Variants in PTPRN2 observed in about 807,000 individuals in gnomAD.
The protein encoded by PTPRN2 is protein tyrosine phosphatase receptor type N2.
PTPRN2 carries 74 observed loss-of-function variants against 118.8 expected under a neutral mutation model. The ratio of observed to expected loss-of-function variants is 0.62; its 90% CI spans 0.52 to 0.76. The LOEUF is 0.76. PTPRN2 is among the 30% of genes least tolerant of loss of function. PTPRN2 has a pLI of 0.00. For synonymous variants in PTPRN2, 641 were observed against 608.0 expected, an observed-to-expected ratio of 1.05 and a Z score of -0.80; for missense variants, 1,481 against 1,394.4, an observed-to-expected ratio of 1.06 and a Z score of -0.99.
At chr7:157,754,969 C>T (rs1319362970) in intron 12 of PTPRN2, among the ~76,000 whole-genome samples, 1 of 152,174 alleles carries the variant, frequency 6.6e-6, no homozygotes, top group Non-Finnish European at 1.5e-5. Context: ...ACTGAAGCCT[C>T]ACCTTCCCTG....
chr7:158,497,901 C>T (rs536478585), intron 1 of PTPRN2, among the ~76,000 whole-genome samples: 24 of 152,330 alleles, frequency 1.6e-4, no homozygotes, highest in African/African-American at 3.6e-4. Flanking sequence ...CCTGTTCTGC[C>T]GGGCACAGAT....
Position 158,255,173 on chromosome 7 carries a change from A to G in PTPRN2, c.278-49900T>C, listed in dbSNP as rs570891990. On this transcript the variant is annotated intron_variant, in intron 3 of 22. Coordinates refer to ENST00000389418, the MANE Select transcript of PTPRN2 (RefSeq NM_002847.5). ...TGTGAGCAAGGGAGGTTCTTTGGCT[A>G]AAGACCCAGACAAGGCAATGATCTA... 2.6e-5 allele frequency among the ~76,000 whole-genome samples: 4 copies of G among 152,338 alleles called. 1 individual carries two copies. Among genetic ancestry groups the G allele is most frequent in the African/African-American group, 7.2e-5 (3 of 41,572 alleles).
At chr7:157,742,875 G>A (rs978296398) in intron 12 of PTPRN2, among the ~76,000 whole-genome samples, 30 of 152,288 alleles carry the variant, frequency 2.0e-4, no homozygotes, top group African/African-American at 7.0e-4. Flanking sequence ...CCAAAGTATT[G>A]ATATTAAATA....
rs1811568344 is a variant in PTPRN2, at chr7:158,071,401, TG to T, written c.1723+9896del. On this transcript the variant is annotated intron_variant, in intron 11 of 22. Coordinates refer to ENST00000389418, the MANE Select transcript of PTPRN2 (RefSeq NM_002847.5). ...GAGGTGCTCGTGGTGGAGGTGCTCG[TG>T]GTGGAGTTGCTCCTGGTGGTGGAGG... is the stretch of plus-strand genomic sequence containing the variant. 1.9e-5 allele frequency among the ~76,000 whole-genome samples: 2 copies of T among 105,940 alleles called. 1 individual carries two copies. The highest frequency in any genetic ancestry group is 4.0e-5 in the Non-Finnish European group (2 of 49,966). 69.5% of individuals were successfully genotyped at this position (105,940 alleles called of 152,430 possible). A position where few individuals can be genotyped will look rare whatever the true frequency, so the allele number is the denominator to read the frequency against.
intron 2 of PTPRN2, among the ~76,000 whole-genome samples, chr7:158,473,016 C>A (rs1257489809): frequency 2.0e-5 from 1 of 49,508 alleles, no homozygotes; most frequent in Non-Finnish European, 4.5e-5. Flanking sequence ...ACCCACGCAC[C>A]GAAAGACATG....
intron 2 of PTPRN2, among the ~76,000 whole-genome samples, chr7:158,375,738 G>T (rs573923409): frequency 6.6e-6 from 1 of 152,314 alleles, no homozygotes; most frequent in Admixed American, 6.5e-5. Context: ...CGGAGGAACA[G>T]AAGAGTGGCG....
chr7:158,453,561 T>G (rs13308736), intron 2 of PTPRN2, among the ~76,000 whole-genome samples: 1 of 151,810 alleles, frequency 6.6e-6, no homozygotes, highest in Non-Finnish European at 1.5e-5. Flanking sequence ...TATGGAAAAG[T>G]GGCAGCTGCC....
intron 12 of PTPRN2, among the ~76,000 whole-genome samples, chr7:157,711,788 C>A (rs2707939): frequency 6.6e-6 from 1 of 151,764 alleles, no homozygotes; most frequent in Non-Finnish European, 1.5e-5. Flanking sequence ...CTCCCATGGC[C>A]GTCATTTTCT....
intron 3 of PTPRN2, among the ~76,000 whole-genome samples, chr7:158,276,562 C>CCCAACAGGCTGTAATGTATCA (rs1799017227): frequency 1.3e-5 from 2 of 152,158 alleles, no homozygotes; most frequent in African/African-American, 4.8e-5. Flanking sequence ...ACACCCTGGC[C>CCCAACAGGCTGTAATGTATCA]CTGGGCAGTC....
At chr7:157,978,865 G>A (rs1802933828) in intron 11 of PTPRN2, among the ~76,000 whole-genome samples, 1 of 152,036 alleles carries the variant, frequency 6.6e-6, no homozygotes, top group Admixed American at 6.5e-5. Flanking sequence ...GAGACCCCAG[G>A]AAGCATAGCG....
At chr7:158,050,053 G>A (rs1809210161) in intron 11 of PTPRN2, among the ~76,000 whole-genome samples, 1 of 152,136 alleles carries the variant, frequency 6.6e-6, no homozygotes, top group African/African-American at 2.4e-5. Flanking sequence ...ATTTTATTAG[G>A]AAAGAAATAA....
intron 12 of PTPRN2, among the ~76,000 whole-genome samples, chr7:157,871,241 G>C (rs147267107): frequency 9.5e-4 from 145 of 152,312 alleles, no homozygotes; most frequent in Non-Finnish European, 1.9e-3. Flanking sequence ...CAGGGAGCTT[G>C]TTAGAAACAC....
chr7:158,001,919 A>G (rs920247570), intron 11 of PTPRN2, among the ~76,000 whole-genome samples: 5 of 151,846 alleles, frequency 3.3e-5, no homozygotes, highest in African/African-American at 1.2e-4. Context: ...CTGCACTGGG[A>G]CTCCTGGAGA....
chr7:158,468,479 C>T (rs546662216), intron 2 of PTPRN2, among the ~76,000 whole-genome samples: 21 of 152,306 alleles, frequency 1.4e-4, no homozygotes, highest in Admixed American at 6.5e-4. Flanking sequence ...CCGCCCCCAC[C>T]CCGCCCCTCG....
chr7:158,188,054 G>A (rs1241390371), intron 5 of PTPRN2, among the ~76,000 whole-genome samples: 2 of 151,860 alleles, frequency 1.3e-5, no homozygotes, highest in African/African-American at 4.8e-5. Flanking sequence ...GCCCTGGGGA[G>A]CGGCAGGGTC....
intron 6 of PTPRN2, among the ~76,000 whole-genome samples, chr7:158,149,803 CAA>C (rs33958927): frequency 1.2e-4 from 15 of 121,654 alleles, no homozygotes; most frequent in African/African-American, 1.9e-4. Flanking sequence ...GAGTCCATCT[CAA>C]AAAAAAAAAA....
At chr7:158,091,373 C>G (rs1416930293) in intron 10 of PTPRN2, among the ~76,000 whole-genome samples, 2 of 152,152 alleles carry the variant, frequency 1.3e-5, no homozygotes, top group Non-Finnish European at 2.9e-5. Flanking sequence ...TGCTTTACAA[C>G]CAACATAAAA....
intron 6 of PTPRN2, among the ~76,000 whole-genome samples, chr7:158,150,963 C>A (rs1365975813): frequency 1.3e-5 from 2 of 151,968 alleles, no homozygotes; most frequent in Non-Finnish European, 2.9e-5. Context: ...GCATCCCACC[C>A]TGCTTACAGC....
At chr7:157,750,587 G>C (rs1003498601) in intron 12 of PTPRN2, among the ~76,000 whole-genome samples, 4 of 152,260 alleles carry the variant, frequency 2.6e-5, no homozygotes, top group African/African-American at 9.6e-5. Flanking sequence ...AGGAAGGCTG[G>C]CCCGAGGATG....
Sources: allele counts gnomAD v4.1 joint callset (sites outside exome capture counted in the v4.1 genomes callset), GRCh38; gene constraint gnomAD v4.1.1; transcripts MANE v1.5; gene names NCBI Gene and HGNC (gene_info 2026-07-23, HGNC 2026-07-21).